Variants in CCL18 observed in about 807,000 individuals in gnomAD.
CCL18 encodes C-C motif chemokine ligand 18, also known as C-C motif chemokine 18.
In CCL18, 7 loss-of-function variants were observed where a neutral mutation model predicts 8.0. The ratio of observed to expected loss-of-function variants is 0.87; its 90% CI spans 0.50 to 1.64. The LOEUF (loss-of-function observed/expected upper bound fraction) is 1.64. Among genes scored for constraint, CCL18 ranks in the 40% most tolerant of loss-of-function variants. The pLI, the probability that CCL18 is intolerant of heterozygous loss-of-function variation, is 0.00. For missense variants in CCL18, 95 were observed against 107.8 expected (o/e 0.88, Z 0.52); for synonymous variants, 35 against 41.3 (o/e 0.85, Z 0.59).
intron 1 of CCL18, among the ~76,000 whole-genome samples, chr17:36,068,464 C>T (rs563697449): frequency 1.3e-5 from 2 of 152,252 alleles, no homozygotes; most frequent in African/African-American, 2.4e-5. Flanking sequence ...TTCCTGCCTC[C>T]GTTTGCCTGC....
intron 1 of CCL18, among the ~76,000 whole-genome samples, chr17:36,065,353 C>T (rs2066831468): frequency 6.6e-6 from 1 of 152,118 alleles, no homozygotes; most frequent in Admixed American, 6.6e-5. Flanking sequence ...AGTGAAGTCT[C>T]CATTTTTTGC....
chr17:36,070,107 G>T (rs1198714854), intron 1 of CCL18, among the ~76,000 whole-genome samples: 1 of 152,156 alleles, frequency 6.6e-6, no homozygotes, highest in African/African-American at 2.4e-5. Flanking sequence ...TTGGTTCTCA[G>T]TGGTGTGGCC....
chr17:36,066,052 G>A (rs1367184193), intron 1 of CCL18, among the ~76,000 whole-genome samples: 1 of 152,136 alleles, frequency 6.6e-6, no homozygotes. Flanking sequence ...ACTGAGTTAG[G>A]CCCCAGTTTT....
intron 1 of CCL18, among the ~76,000 whole-genome samples, chr17:36,067,374 T>C (rs2066842968): frequency 6.6e-6 from 1 of 152,092 alleles, no homozygotes; most frequent in East Asian, 1.9e-4. Flanking sequence ...TGCATACAGA[T>C]GTTTGGCACA....
chr17:36,070,638 C>G lies in CCL18; in HGVS notation c.179+80C>G, dbSNP rs981299611. ...TGAGGTCCCCTCAGAGTACTCAGCTCTCTAAGGCCCATCAAGGTAAAGGAC... is the reference window on the plus strand; with the variant it reads ...TGAGGTCCCCTCAGAGTACTCAGCTGTCTAAGGCCCATCAAGGTAAAGGAC... On this transcript the variant is annotated intron_variant, in intron 2 of 2. Coordinates refer to ENST00000616054, the MANE Select transcript of CCL18 (RefSeq NM_002988.4). 3.4e-6 allele frequency: 3 copies of G among 871,818 alleles called. No homozygotes were observed. In the African/African-American group the frequency reaches 5.0e-5, roughly 14 times the overall value. The allele number at this position is 871,818 out of a possible 1,614,324, so 54.0% of individuals were successfully genotyped here.
At chr17:36,065,765 C>A (rs552307317) in intron 1 of CCL18, among the ~76,000 whole-genome samples, 2 of 152,320 alleles carry the variant, frequency 1.3e-5, no homozygotes, top group South Asian at 4.1e-4. Context: ...GGAAGTCAGG[C>A]ATTCATCCTT....
intron 1 of CCL18, among the ~76,000 whole-genome samples, chr17:36,068,953 G>C (rs1420772900): frequency 1.3e-5 from 2 of 151,932 alleles, no homozygotes; most frequent in African/African-American, 4.8e-5. Context: ...TTGACTTTCC[G>C]GGCTGAAGCA....
At position 36,064,375 on chromosome 17, in the gene CCL18, C is replaced by T. The variant is rs756926531; in HGVS notation, c.33C>T (p.Leu11=). 5.6e-6 allele frequency: 9 copies of T among 1,613,934 alleles called. No individual in the cohort carries two copies. Among genetic ancestry groups the T allele is most frequent in the African/African-American group, 2.7e-5 (2 of 74,928 alleles). Residue 11 remains leucine (L), a synonymous_variant, in exon 1 of 3, where the codon CTC becomes CTT. Coordinates refer to ENST00000616054, the MANE Select transcript of CCL18 (RefSeq NM_002988.4). The stretch of plus-strand genomic sequence containing the variant: ...GCCTTGCAGCTGCCCTCCTTGTCCT[C>T]GTCTGCACCATGGCCCTCTGCTCCT... The part of the protein sequence containing the change: MKGLAAALLV[L]VCTMALCSCA...
At position 36,071,020 on chromosome 17, in the gene CCL18, C is replaced by T. The variant is rs770237802; in HGVS notation, c.249C>T (p.Ser83=). ...AGAAGTGGGTCCAGAAATACATCAGCGACCTGAAGCTGAATGCCTGAGGGG... is the reference window on the plus strand; with the variant it reads ...AGAAGTGGGTCCAGAAATACATCAGTGACCTGAAGCTGAATGCCTGAGGGG... The part of the protein sequence containing the change: ...PNKKWVQKYI[S]DLKLNA Residue 83 remains serine, a synonymous_variant, in exon 3 of 3, where the codon AGC becomes AGT. Transcript: ENST00000616054. The T allele has an allele frequency of 4.2e-5, 67 of 1,613,210 alleles. No individual in the cohort carries two copies. The highest frequency in any genetic ancestry group is 5.4e-5 in the Non-Finnish European group (64 of 1,179,308).
chr17:36,068,908 G>A (rs2066850771), intron 1 of CCL18, among the ~76,000 whole-genome samples: 1 of 152,222 alleles, frequency 6.6e-6, no homozygotes, highest in South Asian at 2.1e-4. Flanking sequence ...TGCCCAGGCT[G>A]GAGTGCAGTG....
rs185414812 is a variant in CCL18, at chr17:36,067,577, C to T, written c.68-2870C>T. ...TGGTGCACGCCTGTAGTTCCAGCTACTCAGGAGGCTGAGGTAGGAGAATCG... is the reference window on the plus strand; with the variant it reads ...TGGTGCACGCCTGTAGTTCCAGCTATTCAGGAGGCTGAGGTAGGAGAATCG... On this transcript the variant is annotated intron_variant, in intron 1 of 2. Transcript: ENST00000616054. 4.5e-3 allele frequency among the ~76,000 whole-genome samples: 683 copies of T among 152,230 alleles called. 4 individuals are homozygous for T. The highest frequency in any genetic ancestry group is 0.01 in the Middle Eastern group (3 of 294).
At chr17:36,065,011 G>A (rs942315383) in intron 1 of CCL18, among the ~76,000 whole-genome samples, 6 of 152,144 alleles carry the variant, frequency 3.9e-5, no homozygotes, top group Middle Eastern at 3.4e-3. Flanking sequence ...TTTGTGACCC[G>A]CCTGGGCTTC....
chr17:36,065,954 G>A (rs1455480907), intron 1 of CCL18, among the ~76,000 whole-genome samples: 1 of 152,144 alleles, frequency 6.6e-6, no homozygotes, highest in African/African-American at 2.4e-5. Context: ...ATCGCTGTAG[G>A]AGTAGAGCTT....
At chr17:36,066,501 C>G (rs1011476880) in intron 1 of CCL18, among the ~76,000 whole-genome samples, 5 of 152,190 alleles carry the variant, frequency 3.3e-5, no homozygotes, top group African/African-American at 9.7e-5. Flanking sequence ...TGGGGATGAC[C>G]AGAGGGGAAG....
rs1437420315 is a variant in CCL18, at chr17:36,064,391, CT to C, written c.50del (p.Leu17ProfsTer28). ...ALLVLVCTMA[L>X]CSCAQVGTNK... ...CCTTGTCCTCGTCTGCACCATGGCC[CT>C]CTGCTCCTGTGCACAAGGTGAGTCT... On this transcript the variant is annotated frameshift_variant, in exon 1 of 3. Transcript: ENST00000616054. LOFTEE classifies it high-confidence loss of function. 6.2e-7 allele frequency: 1 copy of C among 1,613,842 alleles called. No homozygotes were observed. The highest frequency in any genetic ancestry group is 8.5e-7 in the Non-Finnish European group (1 of 1,179,774).
At chr17:36,065,432 C>G (rs1382235034) in intron 1 of CCL18, among the ~76,000 whole-genome samples, 1 of 152,146 alleles carries the variant, frequency 6.6e-6, no homozygotes, top group Non-Finnish European at 1.5e-5. Context: ...CATAGTAGCT[C>G]CCACCTCCTA....
In CCL18 at chr17:36,071,418, C is replaced by G; in HGVS notation, c.*377C>G. ...ATCTTTATTGAATGGTTTTGCTCAG[C>G]ACCACCTTTTAATATATTGGCAGTA... On this transcript the variant is annotated 3_prime_UTR_variant, in exon 3 of 3. Transcript: ENST00000616054. The G allele has an allele frequency of 5.5e-6, 1 of 183,360 alleles. No homozygotes were observed. The highest frequency in any genetic ancestry group is 1.1e-5 in the Non-Finnish European group (1 of 87,762). 11.4% of individuals were successfully genotyped at this position (183,360 alleles called of 1,614,324 possible).
intron 2 of CCL18, 117 bp downstream of exon 2, chr17:36,070,675 C>G (rs754121740): frequency 4.4e-6 from 3 of 688,492 alleles, no homozygotes; most frequent in African/African-American, 1.8e-5. Context: ...CCAGGGGAGG[C>G]CCCTGCAGTG....
Position 36,064,362 on chromosome 17 carries a change from C to A in CCL18, c.20C>A (p.Ala7Asp). The A allele has an allele frequency of 1.9e-6, 3 of 1,614,054 alleles. No individual in the cohort carries two copies. Among genetic ancestry groups the A allele is most frequent in the Non-Finnish European group, 2.5e-6 (3 of 1,179,958 alleles). The change falls in exon 1 of 3, where the codon GCC becomes GAC. Residue 7 changes from alanine (A) to aspartate (D), a missense_variant. Physicochemically the swap from Ala to Asp is moderately radical, Grantham distance 126 (BLOSUM62 -2). Coordinates refer to ENST00000616054, the MANE Select transcript of CCL18 (RefSeq NM_002988.4). MKGLAA[A>D]LLVLVCTMAL... ...AGCATCATGAAGGGCCTTGCAGCTGCCCTCCTTGTCCTCGTCTGCACCATG... is the reference window on the plus strand; with the variant it reads ...AGCATCATGAAGGGCCTTGCAGCTGACCTCCTTGTCCTCGTCTGCACCATG...
Sources: allele counts gnomAD v4.1 joint callset (sites outside exome capture counted in the v4.1 genomes callset), GRCh38; gene constraint gnomAD v4.1.1; transcripts MANE v1.5; gene names NCBI Gene and HGNC (gene_info 2026-07-23, HGNC 2026-07-21).